NKAIN2: variants seen among roughly 807,000 people sequenced by gnomAD.
NKAIN2 encodes the protein sodium/potassium transporting ATPase interacting 2.
In NKAIN2, 14 loss-of-function variants were observed where a neutral mutation model predicts 32.6. That is an observed-to-expected ratio of 0.43 (90% CI 0.28 to 0.67). The LOEUF is 0.67. Among genes scored for constraint, NKAIN2 ranks in the 30% least tolerant of loss-of-function variants. The pLI is 0.17. For missense variants in NKAIN2, 198 were observed against 258.3 expected, an observed-to-expected ratio of 0.77 and a Z score of 1.60; for synonymous variants, 80 against 87.2, an observed-to-expected ratio of 0.92 and a Z score of 0.46.
At chr6:124,297,873 CTG>C (rs1414950947) in intron 2 of NKAIN2, among the ~76,000 whole-genome samples, 1 of 152,100 alleles carries the variant, frequency 6.6e-6, no homozygotes, top group Non-Finnish European at 1.5e-5. Flanking sequence ...GTCCCAGAAT[CTG>C]AGGCTAAAAA....
At chr6:124,630,993 A>T (rs1313667651) in intron 3 of NKAIN2, among the ~76,000 whole-genome samples, 1 of 152,190 alleles carries the variant, frequency 6.6e-6, no homozygotes, top group East Asian at 1.9e-4. Context: ...AAATGTAACT[A>T]GCTTTTTAAA....
intron 1 of NKAIN2, among the ~76,000 whole-genome samples, chr6:124,106,450 T>C (rs551377516): frequency 6.6e-6 from 1 of 152,338 alleles, no homozygotes; most frequent in African/African-American, 2.4e-5. Context: ...TATGATATCA[T>C]ATTGAGATTA....
At chr6:124,073,876 GT>G (rs1783573643) in intron 1 of NKAIN2, among the ~76,000 whole-genome samples, 1 of 152,066 alleles carries the variant, frequency 6.6e-6, no homozygotes, top group Non-Finnish European at 1.5e-5. Flanking sequence ...GGGGTTCTTA[GT>G]TTTAAAATGT....
At chr6:124,333,208 C>A (rs546515849) in intron 2 of NKAIN2, among the ~76,000 whole-genome samples, 2 of 152,232 alleles carry the variant, frequency 1.3e-5, no homozygotes, top group Admixed American at 1.3e-4. Context: ...ACTAATAAAT[C>A]TTTTCTTTTT....
chr6:123,812,474 G>A (rs1291874927), intron 1 of NKAIN2, among the ~76,000 whole-genome samples: 1 of 152,148 alleles, frequency 6.6e-6, no homozygotes, highest in Non-Finnish European at 1.5e-5. Context: ...GTTCACTTGA[G>A]TTTCTTGAAA....
intron 3 of NKAIN2, among the ~76,000 whole-genome samples, chr6:124,625,217 T>C (rs1157463209): frequency 1.3e-5 from 2 of 152,180 alleles, no homozygotes; most frequent in Non-Finnish European, 2.9e-5. Flanking sequence ...AAGTGATAGT[T>C]GAGTATAATT....
At chr6:124,331,343 T>TA (rs1797642289) in intron 2 of NKAIN2, among the ~76,000 whole-genome samples, 1 of 4,914 alleles carries the variant, frequency 2.0e-4, no homozygotes, top group African/African-American at 9.7e-4. Context: ...CTACTAAATA[T>TA]ACAAAAAAAA....
chr6:124,464,428 C>CT (rs11404689), intron 3 of NKAIN2, among the ~76,000 whole-genome samples: 22,214 of 146,720 alleles, frequency 0.15, 1,938 homozygotes, highest in East Asian at 0.26. Flanking sequence ...GAATTATAAG[C>CT]TTTTTTTTTT....
intron 1 of NKAIN2, among the ~76,000 whole-genome samples, chr6:124,240,085 T>C (rs1350941365): frequency 6.6e-6 from 1 of 151,926 alleles, no homozygotes; most frequent in Non-Finnish European, 1.5e-5. Flanking sequence ...CCCATAGAAA[T>C]ACAAACTACC....
intron 3 of NKAIN2, among the ~76,000 whole-genome samples, chr6:124,629,053 T>C (rs919536315): frequency 3.3e-5 from 5 of 152,148 alleles, no homozygotes; most frequent in Non-Finnish European, 5.9e-5. Context: ...ATTGTGGAGT[T>C]GGTGGGGCTA....
intron 3 of NKAIN2, among the ~76,000 whole-genome samples, chr6:124,621,731 C>G (rs935924559): frequency 1.3e-5 from 2 of 152,088 alleles, no homozygotes; most frequent in Non-Finnish European, 2.9e-5. Flanking sequence ...ATGTTTCTCT[C>G]CCAATAGAGA....
At chr6:124,229,085 A>G (rs951197221) in intron 1 of NKAIN2, among the ~76,000 whole-genome samples, 15 of 152,196 alleles carry the variant, frequency 9.9e-5, no homozygotes, top group African/African-American at 3.4e-4. Flanking sequence ...ATATGTAGTC[A>G]TTGGAAGATA....
chr6:124,568,090 T>G (rs1207997369), intron 3 of NKAIN2, among the ~76,000 whole-genome samples: 1 of 152,210 alleles, frequency 6.6e-6, no homozygotes, highest in Admixed American at 6.5e-5. Flanking sequence ...GGTTTGGAAC[T>G]GGGTCACTGA....
intron 1 of NKAIN2, among the ~76,000 whole-genome samples, chr6:124,204,675 G>A (rs549689185): frequency 2.3e-4 from 35 of 151,778 alleles, no homozygotes; most frequent in South Asian, 6.2e-4. Context: ...AAGACCAGGC[G>A]TCTAATATGA....
At chr6:123,894,664 A>C (rs1562243861) in intron 1 of NKAIN2, among the ~76,000 whole-genome samples, 1 of 152,116 alleles carries the variant, frequency 6.6e-6, no homozygotes, top group Non-Finnish European at 1.5e-5. Context: ...GGGACTTTCC[A>C]GGAGATGAAA....
Position 124,618,504 on chromosome 6 carries a change from A to T in NKAIN2, c.274-39682A>T, listed in dbSNP as rs552192888. On this transcript the variant is annotated intron_variant, in intron 3 of 6. Transcript: ENST00000368417. ...AAAAATAAATAAATAAATAAATAAA[A>T]ATTCTGTTTTGCATTTTTCTACAAA... 8.0e-4 allele frequency among the ~76,000 whole-genome samples: 122 copies of T among 152,204 alleles called. No homozygotes were observed. In the Middle Eastern group the frequency reaches 0.01, roughly 13 times the overall value.
At chr6:124,099,305 G>A (rs1482987179) in intron 1 of NKAIN2, among the ~76,000 whole-genome samples, 1 of 152,076 alleles carries the variant, frequency 6.6e-6, no homozygotes, top group Non-Finnish European at 1.5e-5. Flanking sequence ...ATGATTAGAA[G>A]TATCAGGAAT....
In NKAIN2 at chr6:124,498,843, A is replaced by T. The variant is rs568862887; in HGVS notation, c.273+143496A>T. On this transcript the variant is annotated intron_variant, in intron 3 of 6. Transcript: ENST00000368417. ...TTAAAGTCATTTCGTTGTCCACTAA[A>T]GTTCTGCTAAAACATATTATTCTTA... 5.9e-5 allele frequency among the ~76,000 whole-genome samples: 9 copies of T among 152,320 alleles called. No homozygotes were observed. In the East Asian group the frequency reaches 1.7e-3, roughly 29 times the overall value.
At chr6:124,351,696 A>G (rs1798742242) in intron 2 of NKAIN2, among the ~76,000 whole-genome samples, 1 of 151,562 alleles carries the variant, frequency 6.6e-6, no homozygotes, top group African/African-American at 2.4e-5. Flanking sequence ...ATCTTGGCTC[A>G]CTGCAACCTC....
Sources: allele counts gnomAD v4.1 joint callset (sites outside exome capture counted in the v4.1 genomes callset), GRCh38; gene constraint gnomAD v4.1.1; transcripts MANE v1.5; gene names NCBI Gene and HGNC (gene_info 2026-07-23, HGNC 2026-07-21).